Variants in PICALM observed in about 807,000 individuals in gnomAD.
The protein encoded by PICALM is phosphatidylinositol binding clathrin assembly protein, also known as phosphatidylinositol-binding clathrin assembly protein.
In PICALM, 40 loss-of-function variants were observed where a neutral mutation model predicts 80.5. The ratio of observed to expected loss-of-function variants is 0.50; its 90% CI spans 0.39 to 0.65. The LOEUF (loss-of-function observed/expected upper bound fraction) is 0.65. Among genes scored for constraint, PICALM ranks in the 30% least tolerant of loss-of-function variants. PICALM has a pLI of 0.00. For synonymous variants in PICALM, 288 were observed against 260.3 expected, an observed-to-expected ratio of 1.11 and a Z score of -1.02; for missense variants, 676 against 778.9, an observed-to-expected ratio of 0.87 and a Z score of 1.57.
intron 1 of PICALM, among the ~76,000 whole-genome samples, chr11:86,046,898 A>G (rs919487022): frequency 4.6e-5 from 7 of 152,182 alleles, no homozygotes; most frequent in Non-Finnish European, 7.3e-5. Flanking sequence ...TTGGCCTCCC[A>G]AAGTGTTGGG....
In PICALM at chr11:86,026,165, C is replaced by T. The variant is rs191223182; in HGVS notation, c.349+127G>A. Reference sequence around the variant, plus strand: ...CAAATTAAAAGACAGTTTTTTCTTTCCTACAACCTTCACTAAAATATAAGG... The same window carrying T: ...CAAATTAAAAGACAGTTTTTTCTTTTCTACAACCTTCACTAAAATATAAGG... On this transcript the variant is annotated intron_variant, in intron 3 of 19. Coordinates refer to ENST00000393346, the MANE Select transcript of PICALM (RefSeq NM_007166.4). 89 of 603,544 alleles carry T rather than the reference C, an allele frequency of 1.5e-4. No individual in the cohort carries two copies. The East Asian group carries it at 2.3e-3, about 16-fold the overall frequency. 37.4% of individuals were successfully genotyped at this position (603,544 alleles called of 1,614,324 possible).
chr11:86,009,292 CAAAAAAAAAAAAA>C (rs10557244), intron 7 of PICALM, among the ~76,000 whole-genome samples: 710 of 41,698 alleles, frequency 0.017, 11 homozygotes, highest in Middle Eastern at 0.05. Flanking sequence ...GTCTCTGTCT[CAAAAAAAAAAAAA>C]AAAAAAAAAA....
rs563032209 is a variant in PICALM, at chr11:85,984,722, G to A, written c.1409-749C>T. 2.8e-4 allele frequency among the ~76,000 whole-genome samples: 43 copies of A among 152,164 alleles called. No individual in the cohort carries two copies. In the South Asian group the frequency reaches 7.0e-3, roughly 25 times the overall value. On this transcript the variant is annotated intron_variant, in intron 13 of 19. Transcript: ENST00000393346. ...ACAGACCTTATTCTTTCTTGCCTGC[G>A]TTACACTAATGCTAGTGGTATTACA...
chr11:86,061,594 G>A (rs11234532), intron 1 of PICALM, among the ~76,000 whole-genome samples: 15,090 of 152,108 alleles, frequency 0.099, 1,036 homozygotes, highest in East Asian at 0.34. Context: ...CCCATTAACA[G>A]TGACAATATC....
chr11:86,005,016 T>C (rs1478259038), intron 8 of PICALM, among the ~76,000 whole-genome samples: 1 of 152,234 alleles, frequency 6.6e-6, no homozygotes, highest in Non-Finnish European at 1.5e-5. Context: ...TAAAAAGCTC[T>C]TCTCACACAA....
chr11:86,058,302 C>A (rs2096301833), intron 1 of PICALM, among the ~76,000 whole-genome samples: 1 of 152,120 alleles, frequency 6.6e-6, no homozygotes, highest in Non-Finnish European at 1.5e-5. Context: ...GACCTATAAT[C>A]AGAAGAAACA....
In PICALM at chr11:86,001,151, T is replaced by C. The variant is rs2095131293; in HGVS notation, c.901A>G (p.Thr301Ala). Residue 301 changes from threonine (T) to alanine (A), a missense_variant, in exon 10 of 20, where the codon ACA becomes GCA. Coordinates refer to ENST00000393346, the MANE Select transcript of PICALM (RefSeq NM_007166.4). ...AGGGAAGACACTGCATTGGAAAGTG[T>C]AGTTGCCCTAGGATAATTGAACAGA... ...KDSTAASRAT[T>A]LSNAVSSLAS... The C allele has an allele frequency of 5.0e-6, 8 of 1,613,618 alleles. No individual in the cohort carries two copies. Among genetic ancestry groups the C allele is most frequent in the Non-Finnish European group, 6.8e-6 (8 of 1,179,764 alleles).
intron 1 of PICALM, among the ~76,000 whole-genome samples, chr11:86,051,226 A>G (rs1252142741): frequency 6.6e-6 from 1 of 152,258 alleles, no homozygotes; most frequent in Non-Finnish European, 1.5e-5. Flanking sequence ...AAAGGAGCAC[A>G]ATTATAGCAT....
intron 19 of PICALM, among the ~76,000 whole-genome samples, chr11:85,973,696 T>G (rs1307284355): frequency 6.6e-6 from 1 of 152,122 alleles, no homozygotes; most frequent in East Asian, 1.9e-4. Context: ...TTGGATCAAA[T>G]AAACTAATAT....
At position 86,007,594 on chromosome 11, in the gene PICALM, A is replaced by C; in HGVS notation, c.766-11T>G. ...GTCAATTCCAACTTGCTGTAAGAAA[A>C]GCATTGTATTTAATAAATTATAATA... On this transcript the variant is annotated splice_polypyrimidine_tract_variant and intron_variant, in intron 7 of 19. Transcript: ENST00000393346. The C allele has an allele frequency of 7.1e-7, 1 of 1,400,538 alleles. No homozygotes were observed. The highest frequency in any genetic ancestry group is 9.9e-7 in the Non-Finnish European group (1 of 1,009,604). The allele number at this position is 1,400,538 out of a possible 1,614,324, so 86.8% of individuals were successfully genotyped here.
rs2096456884 is a variant in PICALM at position 86,067,009 on chromosome 11, C to A, written c.130+1642G>T. Among the ~76,000 whole-genome samples the A allele has an allele frequency of 7.9e-5, 12 of 152,328 alleles. No homozygotes were observed. In the South Asian group the frequency reaches 2.5e-3, roughly 32 times the overall value. ...CAAGCAAGGACTGAGAGTTTAAAAG[C>A]AGCCTGCATGCATATCTGAAAGAAT... On this transcript the variant is annotated intron_variant, in intron 1 of 19. Coordinates refer to ENST00000393346, the MANE Select transcript of PICALM (RefSeq NM_007166.4).
At position 86,068,567 on chromosome 11, in the gene PICALM, G is replaced by C. The variant is rs989733455; in HGVS notation, c.130+84C>G. 23 of 1,314,716 alleles carry C rather than the reference G, an allele frequency of 1.7e-5. No homozygotes were observed. In the East Asian group the frequency reaches 5.2e-4, roughly 30 times the overall value. The allele number at this position is 1,314,716 out of a possible 1,614,324, so 81.4% of individuals were successfully genotyped here. On this transcript the variant is annotated intron_variant, in intron 1 of 19. Transcript: ENST00000393346. ...CGCAGGGAGGGAAGAGGCAGTAGAAGGGTGAAAGACAAGAGAGAGAGAGAA... is the reference window on the plus strand; with the variant it reads ...CGCAGGGAGGGAAGAGGCAGTAGAACGGTGAAAGACAAGAGAGAGAGAGAA...
intron 1 of PICALM, among the ~76,000 whole-genome samples, chr11:86,047,572 C>T (rs2096096417): frequency 1.3e-5 from 2 of 152,184 alleles, no homozygotes; most frequent in Admixed American, 6.5e-5. Flanking sequence ...ATGAGAAGAA[C>T]ACAAAGCAAT....
At chr11:85,981,847 A>C in intron 15 of PICALM, 25 bp downstream of exon 15, 1 of 1,612,804 alleles carries the variant, frequency 6.2e-7, no homozygotes, top group Non-Finnish European at 8.5e-7. Flanking sequence ...ATAAAAGAAG[A>C]TTAACGTATC....
At chr11:86,008,679 T>C (rs576045877) in intron 7 of PICALM, among the ~76,000 whole-genome samples, 76 of 152,164 alleles carry the variant, frequency 5.0e-4, no homozygotes, top group African/African-American at 1.8e-3. Flanking sequence ...AATCACTGCC[T>C]GATATATTTG....
intron 1 of PICALM, among the ~76,000 whole-genome samples, chr11:86,039,899 G>A (rs1033505429): frequency 6.6e-6 from 1 of 151,110 alleles, no homozygotes; most frequent in East Asian, 1.9e-4. Context: ...AGCTACTCAG[G>A]AGGCTGAAGC....
chr11:85,975,592 C>T (rs1446364136), intron 18 of PICALM, among the ~76,000 whole-genome samples: 11 of 89,634 alleles, frequency 1.2e-4, no homozygotes, highest in East Asian at 3.4e-4. Flanking sequence ...TCTCAGCAGA[C>T]TTTTTTTTTT....
intron 1 of PICALM, among the ~76,000 whole-genome samples, chr11:86,056,799 T>C (rs2096276288): frequency 6.6e-6 from 1 of 152,134 alleles, no homozygotes; most frequent in Admixed American, 6.5e-5. Context: ...AAGGTATAAA[T>C]GAAATGTGGG....
chr11:85,974,754 G>C lies in PICALM; in HGVS notation c.1898C>G (p.Pro633Arg). The change falls in exon 19 of 20, where the codon CCT (proline) becomes CGT (arginine). Residue 633 changes from proline to arginine, a missense_variant. This residue lies in a region of PICALM where 391 missense variants were observed against 383.6 expected (regional missense o/e 1.02). Transcript: ENST00000393346. ...MTQPTLIYSQ[P>R]VMRPPNPFGP... Reference sequence around the variant, plus strand: ...AAAGGGGTTTGGAGGTCTCATGACAGGCTGGCTGTATATTAAGGTTGGTTG... The same window carrying C: ...AAAGGGGTTTGGAGGTCTCATGACACGCTGGCTGTATATTAAGGTTGGTTG... The C allele has an allele frequency of 1.2e-6, 2 of 1,613,904 alleles. No individual in the cohort carries two copies. The highest frequency in any genetic ancestry group is 1.7e-6 in the Non-Finnish European group (2 of 1,179,818).
Sources: allele counts gnomAD v4.1 joint callset (sites outside exome capture counted in the v4.1 genomes callset), GRCh38; gene constraint gnomAD v4.1.1; regional missense constraint gnomAD v4.1.1; transcripts MANE v1.5; gene names NCBI Gene and HGNC (gene_info 2026-07-23, HGNC 2026-07-21).